Variants in AFF1 observed in about 807,000 individuals in gnomAD.
The protein encoded by AFF1 is AF4/FMR2 family member 1.
In AFF1, 48 loss-of-function variants were observed where a neutral mutation model predicts 121.7. The ratio of observed to expected loss-of-function variants is 0.39; its 90% CI spans 0.31 to 0.50. The LOEUF is 0.50. Ranked by LOEUF, AFF1 falls within the 20% of genes least tolerant of loss-of-function variation. AFF1 has a pLI of 0.76. For missense variants in AFF1, 1,523 were observed against 1,511.7 expected (o/e 1.01, Z -0.12); for synonymous variants, 613 against 563.0 (o/e 1.09, Z -1.26).
chr4:87,058,445 C>CT (rs1720379784), intron 4 of AFF1, among the ~76,000 whole-genome samples: 1 of 152,102 alleles, frequency 6.6e-6, no homozygotes, highest in Non-Finnish European at 1.5e-5. Context: ...AGACCTTTAA[C>CT]TTTGCTTCCT....
intron 2 of AFF1, among the ~76,000 whole-genome samples, chr4:86,980,695 T>A (rs1390168135): frequency 6.6e-6 from 1 of 152,150 alleles, no homozygotes; most frequent in African/African-American, 2.4e-5. Context: ...TTGCTTATAT[T>A]AAAAGAATAA....
intron 2 of AFF1, among the ~76,000 whole-genome samples, chr4:87,019,892 G>T (rs1388850474): frequency 1.5e-4 from 21 of 142,202 alleles, no homozygotes; most frequent in Admixed American, 9.8e-4. Context: ...GTCGGGGGGG[G>T]GCAGTCTTGG....
chr4:87,066,285 C>T (rs939809004), intron 4 of AFF1, among the ~76,000 whole-genome samples: 1 of 152,092 alleles, frequency 6.6e-6, no homozygotes, highest in African/African-American at 2.4e-5. Flanking sequence ...TTCTAGTGAC[C>T]GGTCATTGCC....
chr4:87,051,027 T>C (rs1253954623), intron 4 of AFF1, among the ~76,000 whole-genome samples: 1 of 152,234 alleles, frequency 6.6e-6, no homozygotes, highest in African/African-American at 2.4e-5. Context: ...ATTTATGTGC[T>C]AGATAGGCTT....
chr4:87,096,838 G>A (rs925255205), intron 8 of AFF1, among the ~76,000 whole-genome samples: 3 of 152,016 alleles, frequency 2.0e-5, no homozygotes, highest in Admixed American at 6.6e-5. Flanking sequence ...AAAACTGCTG[G>A]GCTCAAGTGA....
At chr4:87,017,109 T>TG (rs1257353289) in intron 2 of AFF1, among the ~76,000 whole-genome samples, 1 of 150,642 alleles carries the variant, frequency 6.6e-6, no homozygotes, top group African/African-American at 2.4e-5. Flanking sequence ...GTGTTTTTTT[T>TG]TTTTTTTTTT....
intron 4 of AFF1, among the ~76,000 whole-genome samples, chr4:87,060,684 C>G (rs1034239453): frequency 6.6e-6 from 1 of 151,742 alleles, no homozygotes; most frequent in Non-Finnish European, 1.5e-5. Flanking sequence ...ACTAAAAATA[C>G]AAAAATTAGC....
chr4:86,970,745 G>C (rs375181044), intron 2 of AFF1, among the ~76,000 whole-genome samples: 2 of 152,326 alleles, frequency 1.3e-5, no homozygotes, highest in East Asian at 3.9e-4. Flanking sequence ...GGTTATGTTC[G>C]AGCAGAGACC....
At chr4:86,941,406 C>A (rs1720445184) in intron 1 of AFF1, among the ~76,000 whole-genome samples, 1 of 152,124 alleles carries the variant, frequency 6.6e-6, no homozygotes, top group African/African-American at 2.4e-5. Context: ...GCCTGTAATC[C>A]CAGCACTTTG....
At chr4:87,107,989 G>C (rs1726090395) in intron 10 of AFF1, among the ~76,000 whole-genome samples, 170 bp from the exon 11 acceptor site, 1 of 152,126 alleles carries the variant, frequency 6.6e-6, no homozygotes, top group Non-Finnish European at 1.5e-5. Context: ...AGAGGTTTTT[G>C]CTTTTCTATT....
chr4:87,095,353 A>T (rs564201827), intron 8 of AFF1, among the ~76,000 whole-genome samples: 138 of 152,302 alleles, frequency 9.1e-4, no homozygotes, highest in African/African-American at 3.2e-3. Flanking sequence ...TCCTGACCTC[A>T]AGTGATCCGC....
intron 11 of AFF1, among the ~76,000 whole-genome samples, chr4:87,108,951 T>C (rs1371139416): frequency 1.3e-5 from 2 of 152,224 alleles, no homozygotes; most frequent in Non-Finnish European, 2.9e-5. Flanking sequence ...CTGAAAATCT[T>C]AGGCACTAAA....
chr4:87,061,447 C>T (rs1481018038), intron 4 of AFF1, among the ~76,000 whole-genome samples: 2 of 152,162 alleles, frequency 1.3e-5, no homozygotes, highest in African/African-American at 4.8e-5. Flanking sequence ...CCTTGTTCTC[C>T]CACTTGTGAG....
At position 87,093,065 on chromosome 4, in the gene AFF1, AG is replaced by A. The variant is rs1724476160; in HGVS notation, c.1228+1237del. ...AACTCATGGTTTAGAAAGAACCTTT[AG>A]TCCATTAAACCATTTGATTTCCCCT... is the stretch of plus-strand genomic sequence containing the variant. On this transcript the variant is annotated intron_variant, in intron 7 of 20. Coordinates refer to ENST00000395146, the MANE Select transcript of AFF1 (RefSeq NM_001166693.3). 2.6e-5 allele frequency among the ~76,000 whole-genome samples: 4 copies of A among 152,204 alleles called. No homozygotes were observed. In the South Asian group the frequency reaches 8.3e-4, roughly 31 times the overall value.
intron 2 of AFF1, among the ~76,000 whole-genome samples, chr4:87,038,340 C>T (rs1729772825): frequency 6.6e-6 from 1 of 152,196 alleles, no homozygotes; most frequent in South Asian, 2.1e-4. Context: ...TTTGAAGCAA[C>T]ATTTTATCCT....
At chr4:86,973,889 C>T (rs1186139802) in intron 2 of AFF1, 1 of 151,964 alleles carries the variant, frequency 6.6e-6, no homozygotes, top group African/African-American at 2.4e-5. Flanking sequence ...CAAAGATGAC[C>T]TATGGGAGAG....
chr4:87,071,017 A>C lies in AFF1; in HGVS notation c.1060-13103A>C, dbSNP rs570879310. 6.4e-3 allele frequency among the ~76,000 whole-genome samples: 975 copies of C among 152,196 alleles called. 13 individuals are homozygous for C. Among genetic ancestry groups the C allele is most frequent in the African/African-American group, 0.023 (938 of 41,498 alleles). ...AAAAAGCAGTGAGAAAGGAAGAAGA[A>C]CCCCCAATTTTTTCTTTGATTGATT... On this transcript the variant is annotated intron_variant, in intron 4 of 20. Transcript: ENST00000395146.
At chr4:87,049,342 G>A (rs1731044966) in intron 4 of AFF1, among the ~76,000 whole-genome samples, 1 of 150,820 alleles carries the variant, frequency 6.6e-6, no homozygotes, top group Non-Finnish European at 1.5e-5. Flanking sequence ...CTGGAACGAG[G>A]TGCTTATAAA....
At chr4:86,990,173 A>G (rs999121141) in intron 2 of AFF1, among the ~76,000 whole-genome samples, 3 of 150,976 alleles carry the variant, frequency 2.0e-5, no homozygotes, top group Non-Finnish European at 3.0e-5. Context: ...AATTATAATA[A>G]TAATAATAAT....
Sources: gnomAD v4.1 joint callset for allele counts (sites outside exome capture counted in the v4.1 genomes callset) on GRCh38, gnomAD v4.1.1 for gene constraint, MANE v1.5 for transcripts, NCBI Gene and HGNC (gene_info 2026-07-23, HGNC 2026-07-21) for gene names.